Variants in THSD7B observed in about 807,000 individuals in gnomAD.
THSD7B encodes thrombospondin type 1 domain containing 7B.
THSD7B carries 138 observed loss-of-function variants against 213.6 expected under a neutral mutation model. The ratio of observed to expected loss-of-function variants is 0.65; its 90% CI spans 0.56 to 0.74. The LOEUF is 0.74. Among genes scored for constraint, THSD7B ranks in the 30% least tolerant of loss-of-function variants. The pLI is 0.00. For missense variants in THSD7B, 1,931 were observed against 1,991.5 expected, an observed-to-expected ratio of 0.97 and a Z score of 0.58; for synonymous variants, 742 against 687.0, an observed-to-expected ratio of 1.08 and a Z score of -1.25.
At chr2:137,030,220 A>T (rs1458657470) in intron 2 of THSD7B, among the ~76,000 whole-genome samples, 3 of 152,218 alleles carry the variant, frequency 2.0e-5, no homozygotes, top group Non-Finnish European at 4.4e-5. Flanking sequence ...GACATGCATG[A>T]TGCTTAGAGA....
At chr2:136,767,664 A>G (rs1355676784) in intron 1 of THSD7B, among the ~76,000 whole-genome samples, 1 of 152,210 alleles carries the variant, frequency 6.6e-6, no homozygotes, top group African/African-American at 2.4e-5. Flanking sequence ...AACATCGGAT[A>G]GTCTCGTATA....
chr2:137,538,218 T>C (rs2105188720), intron 15 of THSD7B, among the ~76,000 whole-genome samples: 1 of 151,816 alleles, frequency 6.6e-6, no homozygotes, highest in Non-Finnish European at 1.5e-5. Context: ...AGAGGACAAC[T>C]AGGAAAACAT....
intron 12 of THSD7B, among the ~76,000 whole-genome samples, chr2:137,291,299 T>G (rs936150063): frequency 2.0e-5 from 3 of 152,154 alleles, no homozygotes; most frequent in Non-Finnish European, 4.4e-5. Context: ...ATACACTCCC[T>G]TCTTACTTAT....
At chr2:136,878,707 A>G (rs1683566727) in intron 1 of THSD7B, among the ~76,000 whole-genome samples, 1 of 152,202 alleles carries the variant, frequency 6.6e-6, no homozygotes, top group Non-Finnish European at 1.5e-5. Context: ...GGCTGCATAA[A>G]TGTCTTCTTT....
chr2:136,834,782 C>T (rs959594293), intron 1 of THSD7B, among the ~76,000 whole-genome samples: 3 of 152,022 alleles, frequency 2.0e-5, no homozygotes, highest in African/African-American at 4.8e-5. Flanking sequence ...TGCTACTTAC[C>T]ACTCAGTTTT....
At chr2:137,383,573 G>A (rs1292077306) in intron 12 of THSD7B, among the ~76,000 whole-genome samples, 2 of 152,206 alleles carry the variant, frequency 1.3e-5, no homozygotes, top group Non-Finnish European at 2.9e-5. Flanking sequence ...GCGCAGGCAC[G>A]TAACTCCACA....
intron 1 of THSD7B, among the ~76,000 whole-genome samples, chr2:136,818,584 GAA>G (rs1052092711): frequency 2.0e-5 from 3 of 152,058 alleles, no homozygotes; most frequent in Non-Finnish European, 2.9e-5. Flanking sequence ...ATTTTTCTTA[GAA>G]AAGAGTGCTG....
intron 5 of THSD7B, among the ~76,000 whole-genome samples, chr2:137,127,110 T>G (rs946247802): frequency 2.0e-5 from 3 of 152,166 alleles, no homozygotes; most frequent in Non-Finnish European, 2.9e-5. Flanking sequence ...ATTAGCAAAA[T>G]GTGACACAGA....
chr2:137,630,621 T>A (rs545093878), intron 20 of THSD7B, among the ~76,000 whole-genome samples: 1 of 152,246 alleles, frequency 6.6e-6, no homozygotes, highest in African/African-American at 2.4e-5. Flanking sequence ...GAAGCAGGAA[T>A]GTATGGTATA....
At chr2:137,657,269 A>T in intron 24 of THSD7B, 109 bp downstream of exon 24, 1 of 973,962 alleles carries the variant, frequency 1.0e-6, no homozygotes. Flanking sequence ...TTGGGCAGGT[A>T]GCTTAGATGA....
At chr2:137,271,414 A>AT (rs1485181039) in intron 10 of THSD7B, among the ~76,000 whole-genome samples, 44 of 140,586 alleles carry the variant, frequency 3.1e-4, no homozygotes, top group African/African-American at 7.3e-4. Flanking sequence ...TATGAATTAT[A>AT]ATATATAATT....
intron 3 of THSD7B, among the ~76,000 whole-genome samples, chr2:137,094,087 AC>A (rs1221437111): frequency 2.0e-5 from 3 of 152,192 alleles, no homozygotes; most frequent in Admixed American, 6.5e-5. Context: ...GTTTATATTT[AC>A]CTTTTTGATA....
At chr2:137,369,958 T>A (rs1685506014) in intron 12 of THSD7B, among the ~76,000 whole-genome samples, 1 of 121,618 alleles carries the variant, frequency 8.2e-6, no homozygotes, top group African/African-American at 2.9e-5. Flanking sequence ...AATAGCTGTC[T>A]CTGTTATTTT....
intron 2 of THSD7B, among the ~76,000 whole-genome samples, chr2:136,971,136 C>T (rs942886214): frequency 1.3e-5 from 2 of 152,062 alleles, no homozygotes; most frequent in East Asian, 1.9e-4. Context: ...AATAAAGTTT[C>T]CAGGAAGTCT....
At chr2:137,203,593 T>A (rs1209366744) in intron 7 of THSD7B, among the ~76,000 whole-genome samples, 1 of 152,092 alleles carries the variant, frequency 6.6e-6, no homozygotes, top group East Asian at 1.9e-4. Flanking sequence ...TTTTTTTATT[T>A]TATTAATAGG....
intron 15 of THSD7B, among the ~76,000 whole-genome samples, chr2:137,504,766 T>C (rs924151032): frequency 6.6e-6 from 1 of 152,226 alleles, no homozygotes; most frequent in Non-Finnish European, 1.5e-5. Flanking sequence ...TTGGGTCAGT[T>C]TTATAGTTTC....
At chr2:136,821,635 T>G (rs1682565472) in intron 1 of THSD7B, among the ~76,000 whole-genome samples, 1 of 152,180 alleles carries the variant, frequency 6.6e-6, no homozygotes, top group Admixed American at 6.5e-5. Context: ...CTGGCTTATC[T>G]GCCTGGTGCT....
intron 10 of THSD7B, among the ~76,000 whole-genome samples, chr2:137,250,742 T>G (rs1436703534): frequency 6.6e-6 from 1 of 152,130 alleles, no homozygotes; most frequent in Non-Finnish European, 1.5e-5. Flanking sequence ...CAAAACTACC[T>G]GAATAAAGAT....
chr2:137,042,519 A>C (rs925210695), intron 2 of THSD7B, among the ~76,000 whole-genome samples: 3 of 152,200 alleles, frequency 2.0e-5, no homozygotes, highest in African/African-American at 7.2e-5. Flanking sequence ...AGTCCTTTAA[A>C]AATGAAAACT....
Sources: allele counts gnomAD v4.1 joint callset (sites outside exome capture counted in the v4.1 genomes callset), GRCh38; gene constraint gnomAD v4.1.1; transcripts MANE v1.5; gene names NCBI Gene and HGNC (gene_info 2026-07-23, HGNC 2026-07-21).